The following MACROD2 variants were observed in gnomAD, a reference collection of about 807,000 sequenced individuals.
MACROD2 encodes the protein mono-ADP ribosylhydrolase 2, also known as ADP-ribose glycohydrolase MACROD2.
Under a neutral mutation model 70.4 loss-of-function variants are expected in MACROD2, and 36 were observed. That is an observed-to-expected ratio of 0.51 (90% CI 0.39 to 0.68). MACROD2 has a LOEUF of 0.68. Among genes scored for constraint, MACROD2 ranks in the 30% least tolerant of loss-of-function variants. The pLI is 0.00. For missense variants in MACROD2, 496 were observed against 538.4 expected, an observed-to-expected ratio of 0.92 and a Z score of 0.78; for synonymous variants, 172 against 178.8, an observed-to-expected ratio of 0.96 and a Z score of 0.30.
intron 3 of MACROD2, among the ~76,000 whole-genome samples, chr20:14,268,565 A>T (rs1283197079): frequency 6.6e-6 from 1 of 152,120 alleles, no homozygotes; most frequent in Admixed American, 6.6e-5. Context: ...TCCATAGATG[A>T]TGGTATATAT....
intron 5 of MACROD2, among the ~76,000 whole-genome samples, chr20:15,202,395 A>C (rs1202729809): frequency 6.6e-6 from 1 of 152,144 alleles, no homozygotes; most frequent in Non-Finnish European, 1.5e-5. Context: ...AAAAGAGCAG[A>C]TTGTCTCTTT....
At chr20:15,271,525 A>C (rs1647263396) in intron 6 of MACROD2, among the ~76,000 whole-genome samples, 1 of 152,222 alleles carries the variant, frequency 6.6e-6, no homozygotes. Flanking sequence ...CCAAAACAGC[A>C]CAGGCACATG....
intron 4 of MACROD2, among the ~76,000 whole-genome samples, chr20:14,545,046 A>T (rs2085476378): frequency 6.6e-6 from 1 of 152,182 alleles, no homozygotes; most frequent in Admixed American, 6.6e-5. Flanking sequence ...GATGATGATG[A>T]TGACGATGAG....
rs566479234 is a variant in MACROD2, at chr20:14,609,890, G to A, written c.302-74953G>A. Among the ~76,000 whole-genome samples the A allele has an allele frequency of 3.9e-4, 60 of 152,208 alleles. 2 individuals carry two copies. Among genetic ancestry groups the A allele is most frequent in the East Asian group, 3.9e-4 (2 of 5,180 alleles). ...CCCAAGAATCAGTATTTTCATACAC[G>A]AAATTAACCAGCAAAAATCTTCAAG... On this transcript the variant is annotated intron_variant, in intron 4 of 17. Transcript: ENST00000684519.
chr20:15,705,070 G>A (rs1568984841), intron 8 of MACROD2, among the ~76,000 whole-genome samples: 1 of 151,888 alleles, frequency 6.6e-6, no homozygotes, highest in South Asian at 2.1e-4. Flanking sequence ...ACTTCCCCAA[G>A]TTTTCTCCTT....
intron 15 of MACROD2, among the ~76,000 whole-genome samples, chr20:16,030,151 C>A (rs369750641): frequency 6.6e-6 from 1 of 152,248 alleles, no homozygotes; most frequent in East Asian, 1.9e-4. Flanking sequence ...TTATCCAAGC[C>A]CCAAAGATAG....
intron 4 of MACROD2, among the ~76,000 whole-genome samples, chr20:14,527,750 A>G (rs965781069): frequency 6.6e-6 from 1 of 152,224 alleles, no homozygotes; most frequent in African/African-American, 2.4e-5. Context: ...GACCTGTTAG[A>G]CACATGCCAG....
At position 14,060,254 on chromosome 20, in the gene MACROD2, G is replaced by T. The variant is rs561497958; in HGVS notation, c.164-25367G>T. Among the ~76,000 whole-genome samples the T allele has an allele frequency of 3.3e-5, 5 of 152,198 alleles. No homozygotes were observed. In the South Asian group the frequency reaches 6.2e-4, roughly 19 times the overall value. On this transcript the variant is annotated intron_variant, in intron 2 of 17. Coordinates refer to ENST00000684519, the MANE Select transcript of MACROD2 (RefSeq NM_001351661.2). ...ATCTTAGTCTTTAACCCTCTGATAA[G>T]CAGTTACCTGTGTCTATGTGGTCCA... is the stretch of plus-strand genomic sequence containing the variant.
intron 12 of MACROD2, among the ~76,000 whole-genome samples, chr20:15,951,587 A>G (rs2065906867): frequency 6.6e-6 from 1 of 152,056 alleles, no homozygotes; most frequent in African/African-American, 2.4e-5. Flanking sequence ...GAAAGGCAAA[A>G]ATTGATTATT....
intron 3 of MACROD2, among the ~76,000 whole-genome samples, chr20:14,468,993 A>T (rs529628479): frequency 6.6e-6 from 1 of 152,102 alleles, no homozygotes; most frequent in East Asian, 1.9e-4. Flanking sequence ...CTAGCTGGTT[A>T]TTTTAGTTGA....
At chr20:14,017,695 G>A (rs2053013908) in intron 2 of MACROD2, among the ~76,000 whole-genome samples, 1 of 152,112 alleles carries the variant, frequency 6.6e-6, no homozygotes, top group African/African-American at 2.4e-5. Context: ...AGATGCTGCT[G>A]AATTCAGTTT....
At chr20:14,020,137 G>C (rs557599704) in intron 2 of MACROD2, among the ~76,000 whole-genome samples, 1 of 152,312 alleles carries the variant, frequency 6.6e-6, no homozygotes, top group African/African-American at 2.4e-5. Context: ...CAGGCTTTGT[G>C]ATTTGCAATC....
rs562618507 is a variant in MACROD2 at position 14,785,381 on chromosome 20, G to T, written c.418+100422G>T. Among the ~76,000 whole-genome samples, 6 of 149,294 alleles carry T rather than the reference G, an allele frequency of 4.0e-5. No individual in the cohort carries two copies. In the South Asian group the frequency reaches 1.3e-3, roughly 32 times the overall value. ...TTGTAAGCTAATCTAATTTAAACAA[G>T]AAAAAAAAAGCCTTTAATGGGATGA... On this transcript the variant is annotated intron_variant, in intron 5 of 17. Transcript: ENST00000684519.
intron 3 of MACROD2, among the ~76,000 whole-genome samples, chr20:14,158,728 G>A (rs187828869): frequency 7.9e-5 from 12 of 152,180 alleles, no homozygotes; most frequent in African/African-American, 2.9e-4. Flanking sequence ...TAAATATGTG[G>A]ATTTATTTTT....
chr20:14,543,595 A>G (rs1037864559), intron 4 of MACROD2, among the ~76,000 whole-genome samples: 14 of 152,170 alleles, frequency 9.2e-5, no homozygotes, highest in Admixed American at 6.6e-4. Flanking sequence ...AGAAACTTCT[A>G]TTTTACAGTT....
intron 8 of MACROD2, among the ~76,000 whole-genome samples, chr20:15,652,230 C>T (rs562824984): frequency 1.1e-4 from 16 of 152,262 alleles, no homozygotes; most frequent in Non-Finnish European, 1.6e-4. Context: ...TTTATAGTCA[C>T]AAAGGATAAT....
intron 3 of MACROD2, among the ~76,000 whole-genome samples, chr20:14,100,637 T>C (rs910149423): frequency 8.4e-4 from 119 of 141,262 alleles, no homozygotes; most frequent in South Asian, 2.8e-3. Context: ...TATATATTTT[T>C]TTTATTTTAA....
Position 15,158,457 on chromosome 20 carries a change from AG to A in MACROD2, c.419-71482del, listed in dbSNP as rs371239928. ...TACAGGTGAGAAAATTGAATACCAC[AG>A]AGAAACTCTGTTCTTTTCACACACC... On this transcript the variant is annotated intron_variant, in intron 5 of 17. Coordinates refer to ENST00000684519, the MANE Select transcript of MACROD2 (RefSeq NM_001351661.2). 1.2e-3 allele frequency among the ~76,000 whole-genome samples: 177 copies of A among 152,334 alleles called. 4 individuals carry two copies. In the East Asian group the frequency reaches 0.03, roughly 26 times the overall value.
At chr20:15,746,691 G>A (rs541971814) in intron 8 of MACROD2, among the ~76,000 whole-genome samples, 1 of 151,754 alleles carries the variant, frequency 6.6e-6, no homozygotes, top group East Asian at 1.9e-4. Flanking sequence ...TCTCTTCATA[G>A]TCTGCTGAGG....
Sources: gnomAD v4.1 joint callset for allele counts (sites outside exome capture counted in the v4.1 genomes callset) on GRCh38, gnomAD v4.1.1 for gene constraint, MANE v1.5 for transcripts, NCBI Gene and HGNC (gene_info 2026-07-23, HGNC 2026-07-21) for gene names.